ATIC: variants seen among roughly 807,000 people sequenced by gnomAD.
ATIC encodes the protein 5-aminoimidazole-4-carboxamide ribonucleotide formyltransferase/IMP cyclohydrolase.
ATIC carries 64 observed loss-of-function variants against 72.5 expected under a neutral mutation model. The observed-to-expected ratio is 0.88, with a 90% CI of 0.72 to 1.09. ATIC has a LOEUF of 1.09. Ranked by LOEUF, ATIC falls within the 50% of genes least tolerant of loss-of-function variation. The probability of loss-of-function intolerance (pLI) is 0.00; values close to 1 mark genes in which losing one functional copy is unlikely to be tolerated. For missense variants in ATIC, 787 were observed against 732.4 expected (o/e 1.07, Z -0.86); for synonymous variants, 281 against 267.1 (o/e 1.05, Z -0.51).
intron 4 of ATIC, 27 bp downstream of exon 4, chr2:215,319,758 C>T (rs767062809): frequency 1.3e-6 from 2 of 1,564,542 alleles, no homozygotes; most frequent in South Asian, 1.1e-5. Context: ...AAACTTTTAA[C>T]ACATTACGAA....
intron 11 of ATIC, among the ~76,000 whole-genome samples, chr2:215,336,811 T>C (rs1168940077): frequency 2.0e-5 from 3 of 152,242 alleles, no homozygotes; most frequent in African/African-American, 4.8e-5. Flanking sequence ...GCTCTATGTA[T>C]ATTGGTAATC....
At chr2:215,360,926 C>T in the ATIC span, 1 of 153,332 alleles carries the variant, frequency 6.5e-6, no homozygotes, top group Non-Finnish European at 1.5e-5. Context: ...TTGGCACATA[C>T]AGTATAAAAA....
intron 7 of ATIC, among the ~76,000 whole-genome samples, chr2:215,330,531 A>T (rs1213628416): frequency 1.3e-5 from 2 of 152,112 alleles, no homozygotes; most frequent in African/African-American, 4.8e-5. Flanking sequence ...TCATAGTTTA[A>T]CATTCATTCT....
At chr2:215,346,248 G>A (rs1197682864) in intron 13 of ATIC, among the ~76,000 whole-genome samples, 3 of 152,022 alleles carry the variant, frequency 2.0e-5, no homozygotes, top group African/African-American at 7.2e-5. Flanking sequence ...TGTAGCCTTC[G>A]ACTCCTGGCC....
chr2:215,364,981 C>G, the ATIC span: 1 of 1,566,530 alleles, frequency 6.4e-7, no homozygotes, highest in African/African-American at 1.3e-5. Context: ...AACACGTTGC[C>G]TCATCTGCAT....
At chr2:215,329,027 C>T (rs2052861445) in intron 7 of ATIC, among the ~76,000 whole-genome samples, 1 of 152,178 alleles carries the variant, frequency 6.6e-6, no homozygotes, top group African/African-American at 2.4e-5. Flanking sequence ...AGGATGTCAG[C>T]TTTTGAGAGC....
intron 5 of ATIC, among the ~76,000 whole-genome samples, chr2:215,325,618 A>G (rs112681002): frequency 0.02 from 3,023 of 152,114 alleles, 94 homozygotes; most frequent in African/African-American, 0.069. Context: ...GCTGGAGTAC[A>G]GTGGCACAGT....
rs1321550658 is a variant in ATIC at position 215,349,080 on chromosome 2, C to G, written c.1504-14C>G. ...TGTCAGACCAAGCTTCTTCCTTTCT[C>G]TCTCCCCGCATAGGATGAAGATTTG... On this transcript the variant is annotated splice_polypyrimidine_tract_variant and intron_variant, in intron 14 of 15. Coordinates refer to ENST00000236959, the MANE Select transcript of ATIC (RefSeq NM_004044.7). The G allele has an allele frequency of 6.2e-7, 1 of 1,613,944 alleles. No individual in the cohort carries two copies. Among genetic ancestry groups the G allele is most frequent in the Non-Finnish European group, 8.5e-7 (1 of 1,179,974 alleles).
chr2:215,321,942 C>T (rs1020466810), intron 4 of ATIC, among the ~76,000 whole-genome samples: 2 of 152,086 alleles, frequency 1.3e-5, no homozygotes, highest in Non-Finnish European at 2.9e-5. Context: ...GTCTTACTCT[C>T]GCCCAGGCTG....
rs1007375299 is a variant in ATIC, at chr2:215,314,106, C to A, written c.146+1482C>A. On this transcript the variant is annotated intron_variant, in intron 2 of 15. Coordinates refer to ENST00000236959, the MANE Select transcript of ATIC (RefSeq NM_004044.7). ...GTCACCCACTTTAGGTACTTATCAA[C>A]TGATTAGTCTTGTTTCTGTACCTAT... is the stretch of plus-strand genomic sequence containing the variant. Among the ~76,000 whole-genome samples the A allele has an allele frequency of 6.6e-5, 10 of 152,280 alleles. 1 individual carries two copies. The South Asian group carries it at 2.1e-3, about 32-fold the overall frequency.
the ATIC span, chr2:215,365,470 T>A: frequency 6.2e-7 from 1 of 1,609,120 alleles, no homozygotes; most frequent in Non-Finnish European, 8.5e-7. Context: ...TGAGAATGCT[T>A]AATAAGGCAC....
At chr2:215,353,174 G>A (rs530613220), downstream of ATIC, among the ~76,000 whole-genome samples, 5 of 152,026 alleles carry the variant, frequency 3.3e-5, no homozygotes, top group South Asian at 4.2e-4. Flanking sequence ...TTCCCTTTGC[G>A]CTCAGCCTAT....
At chr2:215,340,403 A>G (rs1360459664) in intron 12 of ATIC, among the ~76,000 whole-genome samples, 3 of 152,116 alleles carry the variant, frequency 2.0e-5, no homozygotes, top group African/African-American at 7.2e-5. Context: ...AGTTTGAAGG[A>G]TGTTTGTCCT....
At chr2:215,317,379 A>G (rs2052721266) in intron 2 of ATIC, among the ~76,000 whole-genome samples, 1 of 152,228 alleles carries the variant, frequency 6.6e-6, no homozygotes, top group Non-Finnish European at 1.5e-5. Flanking sequence ...CCTTTGATTC[A>G]TAAGGAATAT....
At chr2:215,359,295 G>A in the ATIC span, among the ~76,000 whole-genome samples, 34 of 152,212 alleles carry the variant, frequency 2.2e-4, no homozygotes, top group East Asian at 6.0e-3. Flanking sequence ...TAGATATCAA[G>A]GCTTTAAGCA....
intron 3 of ATIC, 46 bp downstream of exon 3, chr2:215,318,279 G>C (rs746342557): frequency 1.9e-6 from 3 of 1,551,906 alleles, no homozygotes; most frequent in Non-Finnish European, 2.7e-6. Context: ...GTGGTTTCCA[G>C]GAATATTTTA....
intron 12 of ATIC, among the ~76,000 whole-genome samples, chr2:215,344,508 T>C (rs2053051533): frequency 6.6e-6 from 1 of 152,028 alleles, no homozygotes; most frequent in African/African-American, 2.4e-5. Context: ...CTGGCCAACA[T>C]GGTGAAACCC....
intron 7 of ATIC, among the ~76,000 whole-genome samples, chr2:215,330,053 G>A (rs767152553): frequency 1.3e-5 from 2 of 152,188 alleles, no homozygotes; most frequent in Non-Finnish European, 2.9e-5. Flanking sequence ...ATGAGCCACC[G>A]CACCCATCCA....
At chr2:215,334,109 G>T (rs1221315182) in intron 9 of ATIC, among the ~76,000 whole-genome samples, 1 of 149,682 alleles carries the variant, frequency 6.7e-6, no homozygotes, top group Non-Finnish European at 1.5e-5. Context: ...TTTGGTCAAT[G>T]TAATTTTGCT....
Sources: allele counts gnomAD v4.1 joint callset (sites outside exome capture counted in the v4.1 genomes callset), GRCh38; gene constraint gnomAD v4.1.1; transcripts MANE v1.5; gene names NCBI Gene and HGNC (gene_info 2026-07-23, HGNC 2026-07-21).